NRXN1: variants seen among roughly 807,000 people sequenced by gnomAD.
The protein encoded by NRXN1 is neurexin-1.
A neutral mutation model predicts 150.9 loss-of-function variants in NRXN1; 39 were observed. The ratio of observed to expected loss-of-function variants is 0.26; its 90% CI spans 0.20 to 0.34. NRXN1 has a LOEUF of 0.34. Ranked by LOEUF, NRXN1 falls within the 10% of genes least tolerant of loss-of-function variation. The probability of loss-of-function intolerance (pLI) is 1.00; values close to 1 mark genes in which losing one functional copy is unlikely to be tolerated. For synonymous variants in NRXN1, 924 were observed against 757.0 expected, an observed-to-expected ratio of 1.22 and a Z score of -3.62; for missense variants, 1,815 against 1,949.9, an observed-to-expected ratio of 0.93 and a Z score of 1.30.
chr2:50,724,168 A>G (rs1697025191), intron 5 of NRXN1, among the ~76,000 whole-genome samples: 1 of 152,248 alleles, frequency 6.6e-6, no homozygotes, highest in African/African-American at 2.4e-5. Context: ...TTATATTTTA[A>G]GTCAAGCTGT....
intron 2 of NRXN1, among the ~76,000 whole-genome samples, chr2:50,937,279 T>G (rs2104449295): frequency 6.6e-6 from 1 of 152,298 alleles, no homozygotes; most frequent in African/African-American, 2.4e-5. Flanking sequence ...GAGCAATGCC[T>G]TTTCCATTCC....
At chr2:50,274,731 G>A (rs564255247) in intron 17 of NRXN1, among the ~76,000 whole-genome samples, 1 of 151,920 alleles carries the variant, frequency 6.6e-6, no homozygotes, top group Non-Finnish European at 1.5e-5. Flanking sequence ...GGCTGCCAAA[G>A]TCCACAATGT....
At chr2:50,891,887 G>A (rs943447641) in intron 5 of NRXN1, among the ~76,000 whole-genome samples, 9 of 151,952 alleles carry the variant, frequency 5.9e-5, no homozygotes, top group African/African-American at 2.2e-4. Context: ...TTAATTCACT[G>A]AATTGATATT....
chr2:50,594,823 G>A (rs1448899574), intron 8 of NRXN1, among the ~76,000 whole-genome samples: 1 of 151,912 alleles, frequency 6.6e-6, no homozygotes, highest in Non-Finnish European at 1.5e-5. Flanking sequence ...TTTACCTCTT[G>A]TCTTACTCCA....
chr2:50,350,739 T>A (rs745887363), intron 17 of NRXN1, among the ~76,000 whole-genome samples: 20 of 152,026 alleles, frequency 1.3e-4, no homozygotes, highest in Non-Finnish European at 1.3e-4. Flanking sequence ...CCTCCCTCAC[T>A]CCCCTGCCTG....
chr2:50,402,267 G>A (rs190122688), intron 17 of NRXN1, among the ~76,000 whole-genome samples: 313 of 151,900 alleles, frequency 2.1e-3, no homozygotes, highest in Non-Finnish European at 3.0e-3. Context: ...TTATAAGTAT[G>A]GATACAAGAG....
chr2:50,163,694 C>T (rs1307258077), intron 18 of NRXN1, among the ~76,000 whole-genome samples: 1 of 152,112 alleles, frequency 6.6e-6, no homozygotes, highest in East Asian at 1.9e-4. Flanking sequence ...GGTCCTTATT[C>T]TGAATGTTTA....
intron 8 of NRXN1, among the ~76,000 whole-genome samples, chr2:50,563,172 C>T (rs1468695392): frequency 6.6e-6 from 1 of 152,134 alleles, no homozygotes; most frequent in Non-Finnish European, 1.5e-5. Flanking sequence ...CTTTCTAAAA[C>T]ATAGCAAGTT....
chr2:50,465,646 G>T, intron 16 of NRXN1, 85 bp from the exon 17 acceptor site: 1 of 1,393,960 alleles, frequency 7.2e-7, no homozygotes, highest in Non-Finnish European at 9.7e-7. Flanking sequence ...TGTAGTAGTT[G>T]CCAACACCAC....
chr2:50,778,569 G>A (rs1008318928), intron 5 of NRXN1, among the ~76,000 whole-genome samples: 1 of 152,168 alleles, frequency 6.6e-6, no homozygotes, highest in Admixed American at 6.5e-5. Context: ...AAGGTGGCAG[G>A]ATCCTTAAAA....
At chr2:50,152,400 A>G (rs1008809820) in intron 18 of NRXN1, among the ~76,000 whole-genome samples, 10 of 151,758 alleles carry the variant, frequency 6.6e-5, no homozygotes, top group African/African-American at 2.4e-4. Flanking sequence ...AGGCTGAATA[A>G]TGTTCCATTG....
chr2:50,942,522 G>T (rs908254555), intron 2 of NRXN1, among the ~76,000 whole-genome samples: 3 of 152,148 alleles, frequency 2.0e-5, no homozygotes, highest in African/African-American at 4.8e-5. Flanking sequence ...CAAGGCCTTG[G>T]GAGCCCCACT....
At chr2:50,925,021 G>A (rs990399818) in intron 3 of NRXN1, among the ~76,000 whole-genome samples, 4 of 151,774 alleles carry the variant, frequency 2.6e-5, no homozygotes, top group African/African-American at 9.7e-5. Flanking sequence ...TATACTAAAT[G>A]CTGTCTTCCC....
chr2:50,951,963 A>ATATATATTT (rs1387961788), intron 2 of NRXN1, among the ~76,000 whole-genome samples: 42 of 74,818 alleles, frequency 5.6e-4, no homozygotes, highest in African/African-American at 1.4e-3. Flanking sequence ...ATATATATAT[A>ATATATATTT]TTTTTTTTTT....
At chr2:51,007,736 A>G (rs1667246396) in intron 2 of NRXN1, among the ~76,000 whole-genome samples, 1 of 151,928 alleles carries the variant, frequency 6.6e-6, no homozygotes, top group African/African-American at 2.4e-5. Flanking sequence ...TTATCACCAA[A>G]GATATTTAGC....
chr2:50,034,690 T>A (rs964794371), intron 21 of NRXN1, among the ~76,000 whole-genome samples: 1 of 152,058 alleles, frequency 6.6e-6, no homozygotes, highest in Non-Finnish European at 1.5e-5. Flanking sequence ...GTAGGTGTTT[T>A]ACAAATATAT....
chr2:49,971,039 A>C (rs1451159249), intron 21 of NRXN1, among the ~76,000 whole-genome samples: 1 of 152,158 alleles, frequency 6.6e-6, no homozygotes, highest in East Asian at 1.9e-4. Context: ...TGATAGGGTG[A>C]AATCTCATTT....
intron 5 of NRXN1, among the ~76,000 whole-genome samples, chr2:50,731,216 TAAC>T (rs1454263953): frequency 1.3e-5 from 2 of 152,146 alleles, no homozygotes; most frequent in African/African-American, 2.4e-5. Flanking sequence ...AAAACAAACA[TAAC>T]AACTCATAAA....
chr2:50,797,354 G>C (rs1706979909), intron 5 of NRXN1, among the ~76,000 whole-genome samples: 1 of 151,984 alleles, frequency 6.6e-6, no homozygotes, highest in Non-Finnish European at 1.5e-5. Flanking sequence ...TGCTCCCCAG[G>C]AGACATTTGA....
Sources: gnomAD v4.1 joint callset for allele counts (sites outside exome capture counted in the v4.1 genomes callset) on GRCh38, gnomAD v4.1.1 for gene constraint, MANE v1.5 for transcripts, NCBI Gene and HGNC (gene_info 2026-07-23, HGNC 2026-07-21) for gene names.